Variants in MYO16 observed in about 807,000 individuals in gnomAD.
MYO16 encodes the protein myosin XVI, also known as unconventional myosin-XVI.
MYO16 carries 94 observed loss-of-function variants against 205.3 expected under a neutral mutation model. The ratio of observed to expected loss-of-function variants is 0.46; its 90% CI spans 0.39 to 0.54. The LOEUF is 0.54. Ranked by LOEUF, MYO16 falls within the 20% of genes least tolerant of loss-of-function variation. MYO16 has a pLI of 0.00. For missense variants in MYO16, 2,315 were observed against 2,387.5 expected (o/e 0.97, Z 0.63); for synonymous variants, 988 against 954.0 (o/e 1.04, Z -0.66).
At chr13:109,091,510 C>T (rs1458342294) in intron 27 of MYO16, among the ~76,000 whole-genome samples, 1 of 152,178 alleles carries the variant, frequency 6.6e-6, no homozygotes, top group Non-Finnish European at 1.5e-5. Flanking sequence ...AATCTAGTGT[C>T]TCCCGTGTCT....
chr13:108,964,838 C>A lies in MYO16; in HGVS notation c.2305C>A (p.Arg769Ser). ...CCTCTTGGCCAAGTCCCTGTACAGTCGTTTGTTTAGCTTTTTGGTGAATAC... is the reference window on the plus strand; with the variant it reads ...CCTCTTGGCCAAGTCCCTGTACAGTAGTTTGTTTAGCTTTTTGGTGAATAC... ...RDLLAKSLYS[R>S]LFSFLVNTMN... Residue 769 changes from arginine (R) to serine (S), a missense_variant, in exon 20 of 35, where the codon CGT becomes AGT. Around this residue, in one of 3 missense-constraint regions of MYO16, gnomAD observed 1,213 missense variants for 1,274.4 expected, o/e 0.95. Transcript: ENST00000457511. The A allele has an allele frequency of 3.1e-6, 5 of 1,613,990 alleles. No individual in the cohort carries two copies. In the South Asian group the frequency reaches 5.5e-5, roughly 18 times the overall value.
chr13:109,182,084 C>T (rs1200114336), intron 34 of MYO16, among the ~76,000 whole-genome samples: 12 of 152,120 alleles, frequency 7.9e-5, no homozygotes, highest in Admixed American at 2.6e-4. Context: ...TCCCAAAGTG[C>T]TGGGATTACA....
chr13:109,169,092 T>G (rs1295725430), intron 33 of MYO16, among the ~76,000 whole-genome samples: 1 of 152,194 alleles, frequency 6.6e-6, no homozygotes, highest in Non-Finnish European at 1.5e-5. Flanking sequence ...ACACGTTATT[T>G]AGCTCCCACT....
At chr13:108,589,620 C>T in the MYO16 span, among the ~76,000 whole-genome samples, 9 of 152,054 alleles carry the variant, frequency 5.9e-5, no homozygotes, top group East Asian at 1.9e-4. Context: ...TTTACCTTTT[C>T]GAAAGTCTTG....
rs549708237 is a variant in MYO16 at position 109,200,785 on chromosome 13, A to G, written c.5416-5824A>G. Among the ~76,000 whole-genome samples, 7 of 151,362 alleles carry G rather than the reference A, an allele frequency of 4.6e-5. No homozygotes were observed. In the East Asian group the frequency reaches 5.8e-4, roughly 13 times the overall value. On this transcript the variant is annotated intron_variant, in intron 34 of 34. Transcript: ENST00000457511. ...AGATTGGCACTGCTGCTATGCTTCT[A>G]TAGAGTGACTCAAATCTTTAAGTCT...
chr13:108,945,967 C>T (rs1026922328), intron 16 of MYO16, among the ~76,000 whole-genome samples: 1 of 152,086 alleles, frequency 6.6e-6, no homozygotes, highest in Non-Finnish European at 1.5e-5. Flanking sequence ...TATCCTGAAG[C>T]CAGACTTCTG....
Position 109,140,172 on chromosome 13 carries a change from G to C in MYO16, c.4052-92G>C. 1 of 1,532,822 alleles carries C rather than the reference G, an allele frequency of 6.5e-7. No individual in the cohort carries two copies. The highest frequency in any genetic ancestry group is 8.7e-7 in the Non-Finnish European group (1 of 1,150,686). 95.0% of individuals were successfully genotyped at this position (1,532,822 alleles called of 1,614,324 possible). A position where few individuals can be genotyped will look rare whatever the true frequency, so the allele number is the denominator to read the frequency against. On this transcript the variant is annotated intron_variant, in intron 31 of 34. Coordinates refer to ENST00000457511, the MANE Select transcript of MYO16 (RefSeq NM_001198950.3). This position sits in a 1 kb window ranked among gnomAD's most constrained non-coding sequence, Gnocchi z 8.0. The stretch of plus-strand genomic sequence containing the variant: ...GGTCCCTTGGGATTCTCGGGGCACG[G>C]GGCCGTGGCTCCCTCCGAGTCGAGC...
At chr13:108,947,074 C>CT (rs1401103691) in intron 16 of MYO16, among the ~76,000 whole-genome samples, 1 of 152,188 alleles carries the variant, frequency 6.6e-6, no homozygotes, top group Non-Finnish European at 1.5e-5. Flanking sequence ...ATGAACCTGC[C>CT]TAAGAATACC....
At chr13:108,951,436 G>T (rs1883146130) in intron 16 of MYO16, among the ~76,000 whole-genome samples, 1 of 152,198 alleles carries the variant, frequency 6.6e-6, no homozygotes, top group Admixed American at 6.5e-5. Context: ...GAGGGCAAAG[G>T]CTGTGGGGTT....
At chr13:109,092,434 C>G (rs967883728) in intron 27 of MYO16, among the ~76,000 whole-genome samples, 1 of 152,164 alleles carries the variant, frequency 6.6e-6, no homozygotes, top group Non-Finnish European at 1.5e-5. Flanking sequence ...GTTTGTGGAA[C>G]ATGGATGGAG....
intron 25 of MYO16, among the ~76,000 whole-genome samples, chr13:109,052,687 T>C (rs1473734911): frequency 2.6e-5 from 4 of 152,056 alleles, no homozygotes; most frequent in Non-Finnish European, 5.9e-5. Context: ...TAATAGTAAG[T>C]ATAGTCCGAG....
At chr13:108,872,733 C>T (rs1370671920) in intron 12 of MYO16, among the ~76,000 whole-genome samples, 1 of 151,844 alleles carries the variant, frequency 6.6e-6, no homozygotes, top group African/African-American at 2.4e-5. Flanking sequence ...TACACACACA[C>T]ACCACCTTTT....
chr13:108,715,867 TC>T (rs147127616), intron 3 of MYO16, among the ~76,000 whole-genome samples: 5,590 of 152,292 alleles, frequency 0.037, 171 homozygotes, highest in East Asian at 0.14. Context: ...ACTCCTTGCT[TC>T]TCTGTAGATA....
intron 27 of MYO16, among the ~76,000 whole-genome samples, chr13:109,083,357 T>C (rs1436276545): frequency 1.7e-5 from 2 of 117,088 alleles, no homozygotes; most frequent in African/African-American, 3.4e-5. Context: ...TACTCCAGCC[T>C]GGGCAAAAAG....
chr13:109,046,085 C>T (rs1462667129), intron 23 of MYO16, among the ~76,000 whole-genome samples: 1 of 152,234 alleles, frequency 6.6e-6, no homozygotes. Context: ...TGCTCACCCC[C>T]TTTCTTGGTT....
chr13:109,148,659 T>C (rs2139826562), intron 32 of MYO16, among the ~76,000 whole-genome samples: 1 of 152,318 alleles, frequency 6.6e-6, no homozygotes, highest in East Asian at 1.9e-4. Flanking sequence ...ACATGCCACT[T>C]GTTTGGGCAG....
At chr13:108,900,165 T>C (rs1413173519) in intron 15 of MYO16, among the ~76,000 whole-genome samples, 1 of 152,252 alleles carries the variant, frequency 6.6e-6, no homozygotes, top group Non-Finnish European at 1.5e-5. Flanking sequence ...GGATAGAGTT[T>C]AGAGGGTCCT....
chr13:109,025,761 G>A (rs918899775), intron 23 of MYO16, among the ~76,000 whole-genome samples: 6 of 152,144 alleles, frequency 3.9e-5, no homozygotes, highest in African/African-American at 1.4e-4. Context: ...CCATTAAGAT[G>A]ATTCTAAACT....
intron 12 of MYO16, among the ~76,000 whole-genome samples, chr13:108,872,747 T>G (rs1449638159): frequency 1.3e-5 from 2 of 152,014 alleles, no homozygotes; most frequent in Non-Finnish European, 1.5e-5. Context: ...ACCTTTTATA[T>G]TCATCATTTC....
Sources: gnomAD v4.1 joint callset for allele counts (sites outside exome capture counted in the v4.1 genomes callset) on GRCh38, gnomAD v4.1.1 for gene constraint, gnomAD v4.1.1 regional missense constraint, Gnocchi (gnomAD v3.1) non-coding constraint, MANE v1.5 for transcripts, NCBI Gene and HGNC (gene_info 2026-07-23, HGNC 2026-07-21) for gene names.